Variants in SLC35D4 observed in about 807,000 individuals in gnomAD.
SLC35D4 encodes the protein UDP-N-acetylglucosamine transporter SLC35D4.
chr18:23,400,541 C>A, the SLC35D4 span, among the ~76,000 whole-genome samples: 1 of 152,270 alleles, frequency 6.6e-6, no homozygotes, highest in East Asian at 1.9e-4. Context: ...GGAGGAGAAT[C>A]ACCTGAGCTC....
the SLC35D4 span, chr18:23,310,216 C>T: frequency 1.0e-6 from 1 of 985,400 alleles, no homozygotes; most frequent in Non-Finnish European, 1.2e-6. Flanking sequence ...TCTCCGTCCT[C>T]ACCTAATGCT....
the SLC35D4 span, among the ~76,000 whole-genome samples, chr18:23,353,076 A>AGTGTGTGTCTGTGT: frequency 7.9e-6 from 1 of 126,524 alleles, no homozygotes; most frequent in Non-Finnish European, 1.7e-5. Flanking sequence ...TGAGACAGAC[A>AGTGTGTGTCTGTGT]GTGTGTGTGT....
chr18:23,395,735 G>A, the SLC35D4 span, among the ~76,000 whole-genome samples: 3 of 152,284 alleles, frequency 2.0e-5, no homozygotes, highest in South Asian at 2.1e-4. Context: ...ATTATAAGAA[G>A]AGTCATGAGC....
chr18:23,353,992 C>A, the SLC35D4 span, among the ~76,000 whole-genome samples: 1 of 152,180 alleles, frequency 6.6e-6, no homozygotes, highest in East Asian at 1.9e-4. Flanking sequence ...CAATTAGAAT[C>A]CAGGTCTCCA....
chr18:23,392,012 AC>A, the SLC35D4 span, among the ~76,000 whole-genome samples: 1 of 150,622 alleles, frequency 6.6e-6, no homozygotes, highest in East Asian at 2.0e-4. Context: ...ATCTTGGCTC[AC>A]TGCAACCTCT....
the SLC35D4 span, among the ~76,000 whole-genome samples, chr18:23,367,676 C>T: frequency 6.6e-6 from 1 of 152,082 alleles, no homozygotes; most frequent in East Asian, 1.9e-4. Flanking sequence ...GTACTCAATA[C>T]GTTTTCTGAA....
At chr18:23,390,251 GAGAAAC>G in the SLC35D4 span, among the ~76,000 whole-genome samples, 1 of 152,260 alleles carries the variant, frequency 6.6e-6, no homozygotes, top group South Asian at 2.1e-4. Flanking sequence ...ATCTGCTAAA[GAGAAAC>G]AGAAAACTAG....
chr18:23,345,817 GATTTT>G, the SLC35D4 span, among the ~76,000 whole-genome samples: 1 of 151,842 alleles, frequency 6.6e-6, no homozygotes, highest in African/African-American at 2.4e-5. Flanking sequence ...GATTTTTTAA[GATTTT>G]ATTTAATTCC....
At chr18:23,281,218 T>C in the SLC35D4 span, among the ~76,000 whole-genome samples, 9 of 152,236 alleles carry the variant, frequency 5.9e-5, no homozygotes, top group Non-Finnish European at 1.2e-4. Context: ...TGCAGAATTC[T>C]GTGAATACAC....
chr18:23,243,468 GTTT>G, the SLC35D4 span, among the ~76,000 whole-genome samples: 1 of 101,876 alleles, frequency 9.8e-6, no homozygotes, highest in African/African-American at 3.6e-5. Flanking sequence ...TGGGTTTGGT[GTTT>G]TTTTTTTTTT....
the SLC35D4 span, chr18:23,297,587 A>AGG: frequency 6.5e-6 from 1 of 152,978 alleles, no homozygotes; most frequent in Non-Finnish European, 1.5e-5. Flanking sequence ...CAAACCCCTT[A>AGG]GGCCCACTAC....
chr18:23,409,803 C>A, the SLC35D4 span, among the ~76,000 whole-genome samples: 2 of 150,032 alleles, frequency 1.3e-5, no homozygotes, highest in African/African-American at 4.9e-5. Flanking sequence ...GAGATCGCAC[C>A]ATTGCACTCC....
chr18:23,392,099 G>A, the SLC35D4 span, among the ~76,000 whole-genome samples: 5 of 151,824 alleles, frequency 3.3e-5, no homozygotes, highest in South Asian at 2.1e-4. Flanking sequence ...CACCATACCC[G>A]GCTAATTTTT....
the SLC35D4 span, among the ~76,000 whole-genome samples, chr18:23,327,146 A>G: frequency 6.6e-6 from 1 of 152,216 alleles, no homozygotes; most frequent in Non-Finnish European, 1.5e-5. Context: ...GAACTGGAAA[A>G]GCAAGAACAA....
chr18:23,436,060 G>C, the SLC35D4 span, among the ~76,000 whole-genome samples: 2 of 117,908 alleles, frequency 1.7e-5, no homozygotes, highest in East Asian at 2.6e-4. Flanking sequence ...TTTTGAAACT[G>C]AGTCTTGCTC....
chr18:23,351,076 A>G, the SLC35D4 span, among the ~76,000 whole-genome samples: 1 of 152,144 alleles, frequency 6.6e-6, no homozygotes, highest in African/African-American at 2.4e-5. Context: ...TACTTTTTAC[A>G]TTCTGCTAGA....
At chr18:23,249,244 T>C in the SLC35D4 span, among the ~76,000 whole-genome samples, 1 of 152,190 alleles carries the variant, frequency 6.6e-6, no homozygotes, top group East Asian at 1.9e-4. Context: ...CAGGGAAGTG[T>C]AACTGTTAGC....
the SLC35D4 span, among the ~76,000 whole-genome samples, chr18:23,410,235 C>T: frequency 1.3e-5 from 2 of 152,184 alleles, no homozygotes; most frequent in Admixed American, 1.3e-4. Context: ...AATCCCAGCA[C>T]TTTGGGAGGC....
the SLC35D4 span, among the ~76,000 whole-genome samples, chr18:23,427,209 C>A: frequency 4.6e-5 from 7 of 152,178 alleles, no homozygotes; most frequent in African/African-American, 1.4e-4. Context: ...AGCAAAAGAA[C>A]CTACCATCAG....
Sources: allele counts gnomAD v4.1 joint callset (sites outside exome capture counted in the v4.1 genomes callset), GRCh38; gene constraint gnomAD v4.1.1; transcripts MANE v1.5; gene names NCBI Gene and HGNC (gene_info 2026-07-23, HGNC 2026-07-21).